APBA1: variants seen among roughly 807,000 people sequenced by gnomAD.
APBA1 encodes amyloid-beta A4 precursor protein-binding family A member 1.
Under a neutral mutation model 86.6 loss-of-function variants are expected in APBA1, and 55 were observed. The observed-to-expected ratio is 0.64, with a 90% CI of 0.51 to 0.80. APBA1 has a LOEUF of 0.80. APBA1 is among the 30% of genes least tolerant of loss of function. The probability of loss-of-function intolerance (pLI) is 0.00; values close to 1 mark genes in which losing one functional copy is unlikely to be tolerated. For synonymous variants in APBA1, 511 were observed against 493.9 expected, an observed-to-expected ratio of 1.03 and a Z score of -0.46; for missense variants, 1,090 against 1,183.0, an observed-to-expected ratio of 0.92 and a Z score of 1.15.
chr9:69,456,838 C>A (rs772093024), intron 7 of APBA1, among the ~76,000 whole-genome samples: 3 of 152,128 alleles, frequency 2.0e-5, no homozygotes, highest in Non-Finnish European at 2.9e-5. Flanking sequence ...AAATGCTAAA[C>A]GTCATCCATG....
intron 1 of APBA1, among the ~76,000 whole-genome samples, chr9:69,539,825 T>C (rs1012026503): frequency 6.6e-6 from 1 of 152,162 alleles, no homozygotes; most frequent in African/African-American, 2.4e-5. Flanking sequence ...TCTGCTTATA[T>C]GTCACCTTAT....
At chr9:69,662,984 A>T (rs1348497992) in intron 1 of APBA1, among the ~76,000 whole-genome samples, 2 of 152,268 alleles carry the variant, frequency 1.3e-5, no homozygotes, top group Admixed American at 6.5e-5. Context: ...CATACCACCA[A>T]ATATCCAAAT....
At chr9:69,537,042 G>GATATATATATATATATGTATATATATAT (rs3068202) in intron 1 of APBA1, among the ~76,000 whole-genome samples, 4 of 147,524 alleles carry the variant, frequency 2.7e-5, no homozygotes, top group African/African-American at 5.0e-5. Context: ...TACGCACTAA[G>GATATATATATATATATGTATATATATAT]ATATATATAT....
intron 10 of APBA1, among the ~76,000 whole-genome samples, chr9:69,443,244 A>G (rs1016989838): frequency 2.0e-5 from 3 of 152,240 alleles, no homozygotes; most frequent in Non-Finnish European, 2.9e-5. Flanking sequence ...TGTGGATGAC[A>G]AATCTCCCAG....
At chr9:69,495,296 G>A (rs999214625) in intron 2 of APBA1, among the ~76,000 whole-genome samples, 3 of 152,100 alleles carry the variant, frequency 2.0e-5, no homozygotes, top group Admixed American at 1.3e-4. Context: ...AAAATAAAAA[G>A]CAAAACAGCA....
intron 11 of APBA1, among the ~76,000 whole-genome samples, chr9:69,432,890 T>C (rs1331096596): frequency 1.3e-5 from 2 of 152,138 alleles, no homozygotes; most frequent in Non-Finnish European, 2.9e-5. Flanking sequence ...GCACAGAGAC[T>C]GTAGCACATC....
chr9:69,450,779 C>T lies in APBA1; in HGVS notation c.1969-983G>A, dbSNP rs76838049. The stretch of plus-strand genomic sequence containing the variant: ...ATATGGACTCTAATCCAATATTACT[C>T]ATGTCCTTATTTAAGAAGAGGAATG... On this transcript the variant is annotated intron_variant, in intron 9 of 12. Coordinates refer to ENST00000265381, the MANE Select transcript of APBA1 (RefSeq NM_001163.4). 7.9e-3 allele frequency among the ~76,000 whole-genome samples: 1,204 copies of T among 151,836 alleles called. 15 individuals carry two copies. Among genetic ancestry groups the T allele is most frequent in the African/African-American group, 0.028 (1,145 of 41,354 alleles).
intron 1 of APBA1, among the ~76,000 whole-genome samples, chr9:69,526,864 T>C (rs1330161804): frequency 6.6e-6 from 1 of 152,016 alleles, no homozygotes; most frequent in Non-Finnish European, 1.5e-5. Flanking sequence ...ATGTGGGACA[T>C]ATACACCATA....
rs1157391201 is a variant in APBA1, at chr9:69,428,335, T to G, written c.*2992A>C. The G allele has an allele frequency of 6.6e-6, 1 of 152,324 alleles. No individual in the cohort carries two copies. Among genetic ancestry groups the G allele is most frequent in the Non-Finnish European group, 1.5e-5 (1 of 68,140 alleles). 9.4% of individuals were successfully genotyped at this position (152,324 alleles called of 1,614,324 possible). Reference sequence around the variant, plus strand: ...ACCCGGCACCCCTGCCATGCACTCCTAGGAGCCTGCTCTGGCGAGGGAAGG... The same window carrying G: ...ACCCGGCACCCCTGCCATGCACTCCGAGGAGCCTGCTCTGGCGAGGGAAGG... On this transcript the variant is annotated 3_prime_UTR_variant, in exon 13 of 13. Coordinates refer to ENST00000265381, the MANE Select transcript of APBA1 (RefSeq NM_001163.4).
At position 69,658,304 on chromosome 9, in the gene APBA1, C is replaced by CTCTCTCTCTTTCTT. The variant is rs1362898788; in HGVS notation, c.-70+13848_-70+13849insAAGAAAGAGAGAGA. Among the ~76,000 whole-genome samples the CTCTCTCTCTTTCTT allele has an allele frequency of 3.7e-4, 30 of 80,034 alleles. 1 individual carries two copies. Among genetic ancestry groups the CTCTCTCTCTTTCTT allele is most frequent in the East Asian group, 1.2e-3 (3 of 2,568 alleles). The allele number at this position is 80,034 out of a possible 152,430, so 52.5% of individuals were successfully genotyped here. On this transcript the variant is annotated intron_variant, in intron 1 of 12. Coordinates refer to ENST00000265381, the MANE Select transcript of APBA1 (RefSeq NM_001163.4). ...TCTTTCTCTCTCTCTTTCTCTCTCT[C>CTCTCTCTCTTTCTT]TCTTTCTTTCTTTCTTTCTTTCTTT... is the stretch of plus-strand genomic sequence containing the variant.
chr9:69,607,226 G>A (rs1822493659), intron 1 of APBA1, among the ~76,000 whole-genome samples: 1 of 152,224 alleles, frequency 6.6e-6, no homozygotes, highest in Non-Finnish European at 1.5e-5. Flanking sequence ...GGCTGAGAAG[G>A]CCTCACGGTC....
intron 2 of APBA1, among the ~76,000 whole-genome samples, chr9:69,504,958 C>T (rs752460920): frequency 2.6e-5 from 4 of 152,016 alleles, no homozygotes; most frequent in Admixed American, 6.6e-5. Flanking sequence ...AGCCATACCC[C>T]TCATATTTCT....
chr9:69,659,241 A>G (rs1823703920), intron 1 of APBA1, among the ~76,000 whole-genome samples: 3 of 152,214 alleles, frequency 2.0e-5, no homozygotes, highest in African/African-American at 7.2e-5. Flanking sequence ...TCCAGCAGGG[A>G]AGGGAGTGAT....
chr9:69,461,288 T>A (rs1210976095), intron 5 of APBA1: 1 of 152,010 alleles, frequency 6.6e-6, no homozygotes, highest in African/African-American at 2.4e-5. Flanking sequence ...ATGGGATTGA[T>A]CATGGTTTAC....
chr9:69,605,636 G>A (rs1822455762), intron 1 of APBA1, among the ~76,000 whole-genome samples: 1 of 152,172 alleles, frequency 6.6e-6, no homozygotes, highest in Admixed American at 6.5e-5. Flanking sequence ...ATTCACCTGT[G>A]CCCTTTGAGC....
intron 1 of APBA1, among the ~76,000 whole-genome samples, chr9:69,592,764 G>C (rs964655993): frequency 6.6e-6 from 1 of 152,024 alleles, no homozygotes; most frequent in African/African-American, 2.4e-5. Context: ...GGCTTCCCCA[G>C]CCATGCGGAA....
chr9:69,658,257 TTTC>T (rs1246870380), intron 1 of APBA1, among the ~76,000 whole-genome samples: 1 of 25,082 alleles, frequency 4.0e-5, no homozygotes, highest in African/African-American at 6.0e-5. Context: ...TCTTTCTTTC[TTTC>T]TTTCTTTCTT....
chr9:69,524,905 G>A (rs1836318242), intron 1 of APBA1, among the ~76,000 whole-genome samples: 2 of 152,152 alleles, frequency 1.3e-5, no homozygotes, highest in African/African-American at 4.8e-5. Context: ...CTTCATTGCT[G>A]GGATGCAAGG....
Position 69,672,282 on chromosome 9 carries a change from A to AGCT in APBA1, c.-202_-200dup, listed in dbSNP as rs1554710827. On this transcript the variant is annotated 5_prime_UTR_variant, in exon 1 of 13. Transcript: ENST00000265381. ...CAGCGCCACCATCTTCTCCCGCCGC[A>AGCT]GCTGCCGCCGCCGCCGCCGCCGCCG... The AGCT allele has an allele frequency of 5.7e-6, 1 of 176,212 alleles. No individual in the cohort carries two copies. The highest frequency in any genetic ancestry group is 1.1e-5 in the Non-Finnish European group (1 of 87,054). 10.9% of individuals were successfully genotyped at this position (176,212 alleles called of 1,614,324 possible).
Sources: allele counts gnomAD v4.1 joint callset (sites outside exome capture counted in the v4.1 genomes callset), GRCh38; gene constraint gnomAD v4.1.1; transcripts MANE v1.5; gene names NCBI Gene and HGNC (gene_info 2026-07-23, HGNC 2026-07-21).